Variants in PXDN observed in about 807,000 individuals in gnomAD.
The protein encoded by PXDN is peroxidasin.
PXDN carries 77 observed loss-of-function variants against 140.3 expected under a neutral mutation model. That is an observed-to-expected ratio of 0.55 (90% CI 0.46 to 0.66). The LOEUF (loss-of-function observed/expected upper bound fraction) is 0.66. PXDN is among the 30% of genes least tolerant of loss of function. The pLI, the probability that PXDN is intolerant of heterozygous loss-of-function variation, is 0.00. For synonymous variants in PXDN, 911 were observed against 857.4 expected (o/e 1.06, Z -1.09); for missense variants, 1,838 against 2,039.5 (o/e 0.90, Z 1.90).
intron 9 of PXDN, among the ~76,000 whole-genome samples, chr2:1,671,794 T>C (rs189425647): frequency 2.4e-4 from 36 of 152,280 alleles, no homozygotes; most frequent in African/African-American, 7.2e-5. Flanking sequence ...AAGGGCCAGA[T>C]TGGTCCTGTT....
Position 1,649,411 on chromosome 2 carries a change from T to A in PXDN, c.2369A>T (p.His790Leu), listed in dbSNP as rs1682956712. Reference sequence around the variant, plus strand: ...CACCAGGCGCGGCATGGGAAGGGCGTGCCCGTTGTACAGTCGGTGGGGGTT... The same window carrying A: ...CACCAGGCGCGGCATGGGAAGGGCGAGCCCGTTGTACAGTCGGTGGGGGTT... Reference protein sequence around the residue: ...GINPHRLYNGHALPMPRLVST... With the variant: ...GINPHRLYNGLALPMPRLVST... The change falls in exon 17 of 23, where the codon CAC becomes CTC. Residue 790 changes from histidine (H) to leucine (L), a missense_variant. By Grantham distance (99) the His-to-Leu change is moderately conservative. This residue lies in a region of PXDN where 537 missense variants were observed against 583.9 expected (regional missense o/e 0.92). Transcript: ENST00000252804. This position sits in a 1 kb window ranked among gnomAD's most constrained non-coding sequence, Gnocchi z 7.1. 1.2e-6 allele frequency: 2 copies of A among 1,613,814 alleles called. No individual in the cohort carries two copies. The highest frequency in any genetic ancestry group is 3.3e-5 in the Admixed American group (2 of 60,006).
chr2:1,640,441 G>A (rs1012534925), intron 19 of PXDN, among the ~76,000 whole-genome samples: 20 of 152,180 alleles, frequency 1.3e-4, no homozygotes, highest in Admixed American at 5.2e-4. Context: ...TTGAAGGGCG[G>A]CCGGCTCCTT....
At chr2:1,637,916 A>ATGC (rs1682612471) in intron 21 of PXDN, among the ~76,000 whole-genome samples, 1 of 9,042 alleles carries the variant, frequency 1.1e-4, no homozygotes, top group African/African-American at 1.7e-4. Flanking sequence ...GACCTGCCAC[A>ATGC]TGTCGTCCAC....
rs191223022 is a variant in PXDN, at chr2:1,689,509, G to A, written c.345-1806C>T. Reference sequence around the variant, plus strand: ...GAGAATAGGTGAGTATTGGCTGGCCGTGGTGGCTCATGCCTGTAATCTCAG... The same window carrying A: ...GAGAATAGGTGAGTATTGGCTGGCCATGGTGGCTCATGCCTGTAATCTCAG... On this transcript the variant is annotated intron_variant, in intron 3 of 22. Coordinates refer to ENST00000252804, the MANE Select transcript of PXDN (RefSeq NM_012293.3). 2.6e-3 allele frequency among the ~76,000 whole-genome samples: 395 copies of A among 152,278 alleles called. 2 individuals are homozygous for A. Among genetic ancestry groups the A allele is most frequent in the Non-Finnish European group, 4.7e-3 (318 of 68,030 alleles).
chr2:1,644,603 GGTGCAC>G lies in PXDN; in HGVS notation c.3743+9_3743+14del. 1 of 1,580,002 alleles carries G rather than the reference GGTGCAC, an allele frequency of 6.3e-7. No homozygotes were observed. Among genetic ancestry groups the G allele is most frequent in the Non-Finnish European group, 8.6e-7 (1 of 1,158,840 alleles). On this transcript the variant is annotated intron_variant, in intron 18 of 22. Transcript: ENST00000252804. Reference sequence around the variant, plus strand: ...GGCTTAGGAGCGTGCTCCCCTTTCTGGTGCACGTGCTCACCTGTCCCCATCTCGCAG... The same window carrying G: ...GGCTTAGGAGCGTGCTCCCCTTTCTGGTGCTCACCTGTCCCCATCTCGCAG...
chr2:1,645,347 T>C (rs578098755), intron 17 of PXDN, among the ~76,000 whole-genome samples: 2 of 152,334 alleles, frequency 1.3e-5, no homozygotes, highest in South Asian at 4.1e-4. Context: ...ATAAGCAACA[T>C]GTCACAACTT....
intron 22 of PXDN, among the ~76,000 whole-genome samples, chr2:1,634,695 A>G (rs1180305707): frequency 6.6e-6 from 1 of 152,150 alleles, no homozygotes; most frequent in East Asian, 1.9e-4. Context: ...AGGAAGCAGG[A>G]TGGGACTAGA....
intron 12 of PXDN, among the ~76,000 whole-genome samples, 175 bp from the exon 13 acceptor site, chr2:1,662,359 C>T: frequency 6.6e-6 from 1 of 152,240 alleles, no homozygotes. Context: ...GGCAGGGGAG[C>T]CTGAAAGATC....
intron 1 of PXDN, among the ~76,000 whole-genome samples, chr2:1,737,293 G>A (rs1177187101): frequency 6.6e-6 from 1 of 151,990 alleles, no homozygotes; most frequent in Non-Finnish European, 1.5e-5. Context: ...GAAACAGGAG[G>A]GAAAGCAACA....
chr2:1,675,828 C>T (rs1050777809), intron 8 of PXDN, among the ~76,000 whole-genome samples: 15 of 147,270 alleles, frequency 1.0e-4, no homozygotes, highest in Non-Finnish European at 1.9e-4. Context: ...AGTTTGAGCC[C>T]GAGTATCACA....
intron 5 of PXDN, 44 bp downstream of exon 5, chr2:1,684,036 T>C (rs1297497081): frequency 6.6e-7 from 1 of 1,517,010 alleles, no homozygotes; most frequent in Non-Finnish European, 9.0e-7. Context: ...TGACTGAGGC[T>C]TGGGCTCTGT....
chr2:1,648,939 C>A lies in PXDN; in HGVS notation c.2841G>T (p.Pro947=), dbSNP rs755361417. The A allele has an allele frequency of 8.5e-5, 137 of 1,602,976 alleles. 1 individual carries two copies. Among genetic ancestry groups the A allele is most frequent in the Middle Eastern group, 8.3e-4 (5 of 6,038 alleles). ...GCGGCCCGGTGGCGAAGGGGAGCAG[C>A]GGCTTCCCGGACCGCTGCACGATGC... ...RQGIVQRSGK[P]LLPFATGPPT... The change falls in exon 17 of 23, where the codon CCG becomes CCT. Residue 947 remains proline (P), a synonymous_variant. Coordinates refer to ENST00000252804, the MANE Select transcript of PXDN (RefSeq NM_012293.3). The surrounding 1 kb of genome is among the most constrained non-coding windows in gnomAD (Gnocchi z 8.9).
At position 1,678,816 on chromosome 2, in the gene PXDN, C is replaced by T. The variant is rs180974082; in HGVS notation, c.730+1377G>A. ...AGCCAGTGCCCTGCGGAGCTGAGGG[C>T]GGAGTCTGGGTCCGGGGTGGGGAAG... On this transcript the variant is annotated intron_variant, in intron 7 of 22. Coordinates refer to ENST00000252804, the MANE Select transcript of PXDN (RefSeq NM_012293.3). Among the ~76,000 whole-genome samples the T allele has an allele frequency of 2.0e-4, 31 of 152,198 alleles. No homozygotes were observed. In the East Asian group the frequency reaches 5.2e-3, roughly 26 times the overall value.
chr2:1,683,761 G>A (rs1334053582), intron 5 of PXDN, 34 bp from the exon 6 acceptor site: 1 of 1,498,298 alleles, frequency 6.7e-7, no homozygotes, highest in East Asian at 2.3e-5. Flanking sequence ...AACCAATTTT[G>A]AAAAATATTT....
intron 14 of PXDN, among the ~76,000 whole-genome samples, chr2:1,658,068 CTCTCTCTCT>C (rs1558494434): frequency 2.5e-5 from 3 of 122,358 alleles, no homozygotes; most frequent in African/African-American, 1.0e-4. Context: ...CTCTCTCTCT[CTCTCTCTCT>C]CTCTCTCTCT....
chr2:1,648,187 C>A lies in PXDN; in HGVS notation c.3593G>T (p.Arg1198Leu). 1 of 1,611,760 alleles carries A rather than the reference C, an allele frequency of 6.2e-7. No homozygotes were observed. The highest frequency in any genetic ancestry group is 1.1e-5 in the South Asian group (1 of 91,028). The change falls in exon 17 of 23, where the codon CGG becomes CTG. Residue 1198 changes from arginine to leucine, a missense_variant. Physicochemically the swap from Arg to Leu is moderately radical, Grantham distance 102. Coordinates refer to ENST00000252804, the MANE Select transcript of PXDN (RefSeq NM_012293.3). The surrounding 1 kb of genome is among the most constrained non-coding windows in gnomAD (Gnocchi z 8.9). Reference sequence around the variant, plus strand: ...TTCAGCTCACCTTTTCAGTTTCTCCCGGATCTCAGGGTTTTTAATCTCATT... The same window carrying A: ...TTCAGCTCACCTTTTCAGTTTCTCCAGGATCTCAGGGTTTTTAATCTCATT... The part of the protein sequence containing the change: ...LKNEIKNPEI[R>L]EKLKRLYGST...
In PXDN at chr2:1,648,193, T is replaced by G. The variant is rs13398588; in HGVS notation, c.3587A>C (p.Glu1196Ala). 22 of 1,612,276 alleles carry G rather than the reference T, an allele frequency of 1.4e-5. No individual in the cohort carries two copies. Among genetic ancestry groups the G allele is most frequent in the Non-Finnish European group, 1.7e-5 (20 of 1,178,540 alleles). Residue 1196 changes from glutamate (E) to alanine (A), a missense_variant, in exon 17 of 23, where the codon GAG becomes GCG. Physicochemically the swap from Glu to Ala is moderately radical, Grantham distance 107. Transcript: ENST00000252804. This position sits in a 1 kb window ranked among gnomAD's most constrained non-coding sequence, Gnocchi z 8.9. ...EDLKNEIKNP[E>A]IREKLKRLYG... ...TCACCTTTTCAGTTTCTCCCGGATC[T>G]CAGGGTTTTTAATCTCATTTTTCAG... is the stretch of plus-strand genomic sequence containing the variant.
At chr2:1,744,218 C>CCGGACCCCGCGCCCCCGG in intron 1 of PXDN, 38 bp downstream of exon 1, 1 of 1,457,246 alleles carries the variant, frequency 6.9e-7, no homozygotes, top group Non-Finnish European at 9.0e-7. Flanking sequence ...CCACGAAGCC[C>CCGGACCCCGCGCCCCCGG]CGGACCCCGC....
At chr2:1,723,094 G>A (rs927887708) in intron 1 of PXDN, among the ~76,000 whole-genome samples, 1 of 152,178 alleles carries the variant, frequency 6.6e-6, no homozygotes, top group Non-Finnish European at 1.5e-5. Flanking sequence ...ATAGATGGAT[G>A]AGTGGTTATG....
Sources: gnomAD v4.1 joint callset for allele counts (sites outside exome capture counted in the v4.1 genomes callset) on GRCh38, gnomAD v4.1.1 for gene constraint, gnomAD v4.1.1 regional missense constraint, Gnocchi (gnomAD v3.1) non-coding constraint, MANE v1.5 for transcripts, NCBI Gene and HGNC (gene_info 2026-07-23, HGNC 2026-07-21) for gene names.